The following COL9A1 variants were observed in gnomAD, a reference collection of about 807,000 sequenced individuals.
The protein encoded by COL9A1 is collagen alpha-1(IX) chain.
In COL9A1, 104 loss-of-function variants were observed where a neutral mutation model predicts 142.6. That is an observed-to-expected ratio of 0.73 (90% CI 0.62 to 0.86). COL9A1 has a LOEUF of 0.86. Among genes scored for constraint, COL9A1 ranks in the 40% least tolerant of loss-of-function variants. COL9A1 has a pLI of 0.00. For synonymous variants in COL9A1, 466 were observed against 396.0 expected, an observed-to-expected ratio of 1.18 and a Z score of -2.10; for missense variants, 1,210 against 1,176.6, an observed-to-expected ratio of 1.03 and a Z score of -0.42.
intron 37 of COL9A1, among the ~76,000 whole-genome samples, chr6:70,224,326 G>T (rs188460685): frequency 6.6e-6 from 1 of 152,242 alleles, no homozygotes; most frequent in Non-Finnish European, 1.5e-5. Context: ...GTTTACTGCA[G>T]GTGGGAGATA....
At chr6:70,288,660 C>G (rs1042972916) in intron 5 of COL9A1, among the ~76,000 whole-genome samples, 14 of 152,124 alleles carry the variant, frequency 9.2e-5, no homozygotes, top group African/African-American at 3.4e-4. Flanking sequence ...ACATCACACA[C>G]CTACACCAGA....
chr6:70,242,966 C>CA (rs1770360890), intron 28 of COL9A1, among the ~76,000 whole-genome samples: 1 of 152,336 alleles, frequency 6.6e-6, no homozygotes, highest in Admixed American at 6.5e-5. Flanking sequence ...CTTTCAACAT[C>CA]TAAATCACAT....
intron 3 of COL9A1, 62 bp from the exon 4 acceptor site, chr6:70,300,237 A>G: frequency 6.2e-7 from 1 of 1,609,538 alleles, no homozygotes; most frequent in Non-Finnish European, 8.5e-7. Context: ...TCTTTCCACA[A>G]CTTTCCCAAA....
intron 7 of COL9A1, among the ~76,000 whole-genome samples, chr6:70,281,736 A>G (rs1367451037): frequency 6.6e-6 from 1 of 152,192 alleles, no homozygotes; most frequent in East Asian, 1.9e-4. Context: ...TGCAGAGTGC[A>G]TTAAACCCAG....
chr6:70,225,739 T>A (rs1769185853), intron 37 of COL9A1, among the ~76,000 whole-genome samples, 193 bp downstream of exon 37: 1 of 152,244 alleles, frequency 6.6e-6, no homozygotes, highest in Admixed American at 6.5e-5. Context: ...TCCTGATACC[T>A]ATTTTCTGAT....
In COL9A1 at chr6:70,253,401, C is replaced by T. The variant is rs765037928; in HGVS notation, c.1748G>A (p.Gly583Asp). 8 of 1,605,138 alleles carry T rather than the reference C, an allele frequency of 5.0e-6. No individual in the cohort carries two copies. The highest frequency in any genetic ancestry group is 4.0e-5 in the African/African-American group (3 of 74,672). Residue 583 changes from glycine to aspartate, a missense_variant, in exon 26 of 38, where the codon GGT becomes GAT. By Grantham distance (94) the Gly-to-Asp change is moderately conservative. Transcript: ENST00000357250. The stretch of plus-strand genomic sequence containing the variant: ...ATATTTTACCTTTTCACCAGCAACA[C>T]CCTTTGCACCAGGAATTCCAGGTAC... ...PGVPGIPGAK[G>D]VAGEKGSTGA...
chr6:70,228,736 A>T (rs1249364939), intron 36 of COL9A1, among the ~76,000 whole-genome samples: 2 of 152,164 alleles, frequency 1.3e-5, no homozygotes, highest in South Asian at 4.1e-4. Flanking sequence ...ACATTTCATC[A>T]CATTTCAAAA....
At chr6:70,275,237 C>A (rs772308433) in intron 10 of COL9A1, 4 of 157,228 alleles carry the variant, frequency 2.5e-5, no homozygotes, top group Non-Finnish European at 5.6e-5. Flanking sequence ...TCTTGGAAGT[C>A]AATAAAATAT....
intron 37 of COL9A1, among the ~76,000 whole-genome samples, chr6:70,223,514 C>G (rs1304002156): frequency 6.6e-6 from 1 of 152,160 alleles, no homozygotes; most frequent in East Asian, 1.9e-4. Flanking sequence ...CTTCAAACAG[C>G]CCACTTCCAG....
intron 37 of COL9A1, among the ~76,000 whole-genome samples, chr6:70,220,117 A>T (rs1369062872): frequency 6.6e-6 from 1 of 151,850 alleles, no homozygotes; most frequent in African/African-American, 2.4e-5. Flanking sequence ...GCAGCAATTT[A>T]CCCTTTGGAG....
intron 5 of COL9A1, among the ~76,000 whole-genome samples, chr6:70,292,491 G>A (rs989813967): frequency 6.6e-6 from 1 of 152,172 alleles, no homozygotes; most frequent in Non-Finnish European, 1.5e-5. Flanking sequence ...TCTCCACTGT[G>A]ATGTGAGAAT....
Position 70,281,451 on chromosome 6 carries a change from C to T in COL9A1, c.815G>A (p.Gly272Asp), listed in dbSNP as rs765530230. ...SQTTDERGPPGEQGPPGPPGP... is the reference protein window; with the variant it reads ...SQTTDERGPPDEQGPPGPPGP... The stretch of plus-strand genomic sequence containing the variant: ...CGGAGGCCCGGGAGGACCCTGCTCA[C>T]CCGGGGGACCTCTCTGGCAAAAATA... The change falls in exon 8 of 38, where the codon GGT (glycine) becomes GAT (aspartate). Residue 272 changes from glycine (G) to aspartate (D), a missense_variant. Coordinates refer to ENST00000357250, the MANE Select transcript of COL9A1 (RefSeq NM_001851.6). The T allele has an allele frequency of 2.5e-6, 4 of 1,612,534 alleles. No homozygotes were observed. Among genetic ancestry groups the T allele is most frequent in the Non-Finnish European group, 3.4e-6 (4 of 1,179,598 alleles).
chr6:70,280,717 CTT>C (rs1172477358), intron 10 of COL9A1, 93 bp downstream of exon 10: 2 of 1,445,358 alleles, frequency 1.4e-6, no homozygotes, highest in Non-Finnish European at 1.9e-6. Context: ...CTCTCTCTCT[CTT>C]TCTCTCTCTC....
intron 1 of COL9A1, 119 bp from the exon 2 acceptor site, chr6:70,302,193 TTTTTTCATTTC>T (rs1774091840): frequency 3.2e-6 from 2 of 632,596 alleles, no homozygotes; most frequent in Admixed American, 5.6e-5. Context: ...AGTATAGTTT[TTTTTTCATTTC>T]TTTTTTTTTT....
intron 6 of COL9A1, 35 bp from the exon 7 acceptor site, chr6:70,282,953 G>C: frequency 6.2e-7 from 1 of 1,614,178 alleles, no homozygotes; most frequent in Non-Finnish European, 8.5e-7. Flanking sequence ...AGTGAGAAAA[G>C]CACCCCTCAA....
chr6:70,272,280 C>T (rs1390428945), intron 12 of COL9A1, among the ~76,000 whole-genome samples, 192 bp from the exon 13 acceptor site: 1 of 152,070 alleles, frequency 6.6e-6, no homozygotes, highest in Non-Finnish European at 1.5e-5. Context: ...ATTTCAGCTC[C>T]TCTAACATTC....
intron 4 of COL9A1, among the ~76,000 whole-genome samples, chr6:70,299,569 T>C (rs1773977841): frequency 6.6e-6 from 1 of 152,190 alleles, no homozygotes; most frequent in Non-Finnish European, 1.5e-5. Flanking sequence ...ATTGTTTCTA[T>C]TATAATTATT....
At chr6:70,272,915 TC>T (rs1772502283) in intron 12 of COL9A1, among the ~76,000 whole-genome samples, 1 of 152,180 alleles carries the variant, frequency 6.6e-6, no homozygotes, top group Admixed American at 6.5e-5. Context: ...TTCAATTTTT[TC>T]CCCTTGGGAT....
rs992867612 is a variant in COL9A1, at chr6:70,283,119, C to T, written c.781-201G>A. On this transcript the variant is annotated intron_variant, in intron 6 of 37. Coordinates refer to ENST00000357250, the MANE Select transcript of COL9A1 (RefSeq NM_001851.6). ...CTGGTTCCCCTCTAGGCTTCCAGAC[C>T]CGCCACTAGCATAGGTGGCACTTCG... 5 of 1,536,620 alleles carry T rather than the reference C, an allele frequency of 3.3e-6. No individual in the cohort carries two copies. In the African/African-American group the frequency reaches 4.1e-5, roughly 13 times the overall value.
Sources: allele counts gnomAD v4.1 joint callset (sites outside exome capture counted in the v4.1 genomes callset), GRCh38; gene constraint gnomAD v4.1.1; transcripts MANE v1.5; gene names NCBI Gene and HGNC (gene_info 2026-07-23, HGNC 2026-07-21).